MOXD1: variants seen among roughly 807,000 people sequenced by gnomAD.
MOXD1 encodes DBH-like monooxygenase protein 1.
In MOXD1, 62 loss-of-function variants were observed where a neutral mutation model predicts 66.6. The observed-to-expected ratio is 0.93, with a 90% confidence interval of 0.76 to 1.15. MOXD1 has a LOEUF of 1.15. Among genes scored for constraint, MOXD1 ranks in the 50% most tolerant of loss-of-function variants. The pLI is 0.00. For synonymous variants in MOXD1, 303 were observed against 281.9 expected (o/e 1.07, Z -0.75); for missense variants, 847 against 754.6 (o/e 1.12, Z -1.44).
At chr6:132,311,209 G>A (rs915535866) in intron 10 of MOXD1, among the ~76,000 whole-genome samples, 8 of 151,972 alleles carry the variant, frequency 5.3e-5, no homozygotes, top group Admixed American at 1.3e-4. Flanking sequence ...AAGAACTTGA[G>A]GCATAAGGCA....
intron 10 of MOXD1, among the ~76,000 whole-genome samples, chr6:132,305,279 C>G (rs956893546): frequency 1.3e-5 from 2 of 152,248 alleles, no homozygotes; most frequent in Non-Finnish European, 2.9e-5. Context: ...CAGGCTTGAC[C>G]CTGACCCATC....
intron 4 of MOXD1, 102 bp downstream of exon 4, chr6:132,372,506 A>C (rs1405688713): frequency 1.8e-6 from 2 of 1,129,448 alleles, no homozygotes; most frequent in Non-Finnish European, 2.5e-6. Context: ...ACTTTCAAAT[A>C]ATTGAAAAAC....
chr6:132,370,989 C>T (rs1408908717), intron 4 of MOXD1, among the ~76,000 whole-genome samples: 1 of 152,126 alleles, frequency 6.6e-6, no homozygotes, highest in African/African-American at 2.4e-5. Context: ...TTTCATTCAA[C>T]TCAATTATTA....
At chr6:132,366,991 T>C (rs981342680) in intron 4 of MOXD1, among the ~76,000 whole-genome samples, 14 of 152,084 alleles carry the variant, frequency 9.2e-5, no homozygotes, top group African/African-American at 3.4e-4. Context: ...GTGCTACCAA[T>C]AGAAGAGAAC....
At chr6:132,335,502 A>AGAAGATGGAGGCAT (rs1314922673) in intron 4 of MOXD1, among the ~76,000 whole-genome samples, 22 of 152,136 alleles carry the variant, frequency 1.4e-4, no homozygotes, top group Non-Finnish European at 2.2e-4. Context: ...ACATACAGAG[A>AGAAGATGGAGGCAT]GAAGATGGAG....
chr6:132,349,478 T>TAC lies in MOXD1; in HGVS notation c.664-20885_664-20884insGT, dbSNP rs1404769074. 6.6e-4 allele frequency among the ~76,000 whole-genome samples: 26 copies of TAC among 39,684 alleles called. 3 individuals carry two copies. The East Asian group carries it at 0.013, about 20-fold the overall frequency. 26.0% of individuals were successfully genotyped at this position (39,684 alleles called of 152,430 possible). On this transcript the variant is annotated intron_variant, in intron 4 of 11. Coordinates refer to ENST00000367963, the MANE Select transcript of MOXD1 (RefSeq NM_015529.4). ...ATATATATATATACATATATATATA[T>TAC]ATACATATATATATATACCACAGTT...
At chr6:132,386,447 A>AAAAAAC (rs1776646596) in intron 1 of MOXD1, among the ~76,000 whole-genome samples, 2 of 130,342 alleles carry the variant, frequency 1.5e-5, no homozygotes, top group African/African-American at 6.7e-5. Context: ...AAAAAAAAAC[A>AAAAAAC]AAAAAAAAAC....
intron 10 of MOXD1, among the ~76,000 whole-genome samples, chr6:132,308,136 A>G (rs1774739670): frequency 6.6e-6 from 1 of 152,104 alleles, no homozygotes; most frequent in African/African-American, 2.4e-5. Context: ...CTAGAAAATA[A>G]AGAGGAAAAG....
intron 1 of MOXD1, among the ~76,000 whole-genome samples, chr6:132,396,384 G>A (rs1252406754): frequency 1.3e-5 from 2 of 151,958 alleles, no homozygotes; most frequent in Non-Finnish European, 2.9e-5. Context: ...AGTAAAAGCA[G>A]TGCTAACAGG....
At position 132,360,941 on chromosome 6, in the gene MOXD1, A is replaced by C. The variant is rs568271115; in HGVS notation, c.663+11667T>G. 5.9e-5 allele frequency among the ~76,000 whole-genome samples: 9 copies of C among 152,322 alleles called. No homozygotes were observed. In the South Asian group the frequency reaches 1.9e-3, roughly 32 times the overall value. On this transcript the variant is annotated intron_variant, in intron 4 of 11. Transcript: ENST00000367963. ...ACCAAAGTGTCTCTCCTATATTTTC[A>C]ACATTTCCTCAGGACAAGCTAAAGA...
Position 132,348,238 on chromosome 6 carries a change from T to C in MOXD1, c.664-19644A>G, listed in dbSNP as rs191013096. On this transcript the variant is annotated intron_variant, in intron 4 of 11. Transcript: ENST00000367963. Reference sequence around the variant, plus strand: ...TTAATCTTTGGGTTTATTTGATTGTTTGCATTTTATTTAATTTGCAAAGTT... The same window carrying C: ...TTAATCTTTGGGTTTATTTGATTGTCTGCATTTTATTTAATTTGCAAAGTT... 3.9e-3 allele frequency among the ~76,000 whole-genome samples: 588 copies of C among 152,338 alleles called. 3 individuals are homozygous for C. Among genetic ancestry groups the C allele is most frequent in the Middle Eastern group, 0.027 (8 of 294 alleles).
At position 132,401,331 on chromosome 6, in the gene MOXD1, G is replaced by T. The variant is rs1324786045; in HGVS notation, c.96C>A (p.Asp32Glu). The T allele has an allele frequency of 1.3e-6, 2 of 1,584,076 alleles. No individual in the cohort carries two copies. The highest frequency in any genetic ancestry group is 1.7e-6 in the Non-Finnish European group (2 of 1,170,300). ...AGCCCAGCCAGTACTTGCCCTCCGAGTCCAGGAGGGTCCGGTGCGGATAGG... is the reference window on the plus strand; with the variant it reads ...AGCCCAGCCAGTACTTGCCCTCCGATTCCAGGAGGGTCCGGTGCGGATAGG... ...GRTYPHRTLL[D>E]SEGKYWLGWS... The change falls in exon 1 of 12, where the codon GAC becomes GAA. Residue 32 changes from aspartate (D) to glutamate (E), a missense_variant. Coordinates refer to ENST00000367963, the MANE Select transcript of MOXD1 (RefSeq NM_015529.4).
At chr6:132,392,151 C>T (rs1776778804) in intron 1 of MOXD1, 1 of 1,515,376 alleles carries the variant, frequency 6.6e-7, no homozygotes, top group South Asian at 1.3e-5. Context: ...TTAAAAGAAG[C>T]ACATCGTTAA....
intron 4 of MOXD1, among the ~76,000 whole-genome samples, chr6:132,341,161 G>C (rs1335641974): frequency 6.6e-6 from 1 of 152,164 alleles, no homozygotes; most frequent in Non-Finnish European, 1.5e-5. Context: ...TTAAGAGGTA[G>C]GGTCTTTAAG....
chr6:132,337,416 C>T (rs528971447), intron 4 of MOXD1, among the ~76,000 whole-genome samples: 4 of 152,248 alleles, frequency 2.6e-5, no homozygotes, highest in Admixed American at 6.5e-5. Context: ...ATTGGACCTG[C>T]GTAAGTTAAA....
At chr6:132,341,186 A>C (rs1775553943) in intron 4 of MOXD1, among the ~76,000 whole-genome samples, 1 of 152,146 alleles carries the variant, frequency 6.6e-6, no homozygotes, top group African/African-American at 2.4e-5. Flanking sequence ...GATTACATGG[A>C]TGGGATTAAG....
intron 1 of MOXD1, among the ~76,000 whole-genome samples, chr6:132,392,451 T>C (rs1776787301): frequency 2.0e-5 from 3 of 152,214 alleles, no homozygotes; most frequent in African/African-American, 7.2e-5. Context: ...ATTCATCGGC[T>C]GCATTACTTG....
At chr6:132,384,250 CTT>C in intron 1 of MOXD1, among the ~76,000 whole-genome samples, 1 of 8,238 alleles carries the variant, frequency 1.2e-4, no homozygotes, top group Non-Finnish European at 3.0e-4. Flanking sequence ...CTCTTCCTTC[CTT>C]CCTTCCTTCC....
Position 132,331,286 on chromosome 6 carries a change from A to C in MOXD1, c.664-2692T>G, listed in dbSNP as rs150362225. ...CTAAATACCTCATAAATTCAGGCAG[A>C]ACCTTAAGGTTGTACTGAGCTCTGT... On this transcript the variant is annotated intron_variant, in intron 4 of 11. Transcript: ENST00000367963. Among the ~76,000 whole-genome samples the C allele has an allele frequency of 9.2e-5, 14 of 152,326 alleles. No individual in the cohort carries two copies. The East Asian group carries it at 2.3e-3, about 25-fold the overall frequency.
Sources: gnomAD v4.1 joint callset for allele counts (sites outside exome capture counted in the v4.1 genomes callset) on GRCh38, gnomAD v4.1.1 for gene constraint, MANE v1.5 for transcripts, NCBI Gene and HGNC (gene_info 2026-07-23, HGNC 2026-07-21) for gene names.